CRYBG3: variants seen among roughly 807,000 people sequenced by gnomAD.
The protein encoded by CRYBG3 is very large A-kinase anchor protein.
In CRYBG3, 127 loss-of-function variants were observed where a neutral mutation model predicts 244.2. The ratio of observed to expected loss-of-function variants is 0.52; its 90% CI spans 0.45 to 0.60. CRYBG3 has a LOEUF of 0.60. Ranked by LOEUF, CRYBG3 falls within the 20% of genes least tolerant of loss-of-function variation. The probability of loss-of-function intolerance (pLI) is 0.00; values close to 1 mark genes in which losing one functional copy is unlikely to be tolerated. For synonymous variants in CRYBG3, 1,132 were observed against 1,195.8 expected, an observed-to-expected ratio of 0.95 and a Z score of 1.10; for missense variants, 3,325 against 3,442.5, an observed-to-expected ratio of 0.97 and a Z score of 0.85.
chr3:97,935,773 T>G (rs1465407949), intron 18 of CRYBG3, among the ~76,000 whole-genome samples: 2 of 151,992 alleles, frequency 1.3e-5, no homozygotes, highest in Admixed American at 1.3e-4. Context: ...TGAGCTCTGG[T>G]CCATCTGATA....
intron 7 of CRYBG3, among the ~76,000 whole-genome samples, chr3:97,881,936 C>G (rs532112088): frequency 6.6e-6 from 1 of 150,852 alleles, no homozygotes; most frequent in Admixed American, 6.6e-5. Flanking sequence ...TGGCTGGGCA[C>G]TGTGGCTCAC....
intron 3 of CRYBG3, among the ~76,000 whole-genome samples, chr3:97,865,546 C>G (rs1380584727): frequency 1.3e-5 from 2 of 152,070 alleles, no homozygotes; most frequent in African/African-American, 4.8e-5. Context: ...TAGAGTTTGT[C>G]CATCAAGAAT....
At chr3:97,903,372 G>A (rs957384394) in intron 15 of CRYBG3, among the ~76,000 whole-genome samples, 1 of 152,028 alleles carries the variant, frequency 6.6e-6, no homozygotes, top group African/African-American at 2.4e-5. Flanking sequence ...GAAATACTTA[G>A]GAAGAATTAT....
chr3:97,884,859 T>A (rs1285237542), intron 7 of CRYBG3, among the ~76,000 whole-genome samples: 2 of 152,194 alleles, frequency 1.3e-5, no homozygotes, highest in African/African-American at 2.4e-5. Flanking sequence ...TTTGCTATTA[T>A]ACTGTTTCCA....
At chr3:97,918,363 A>G (rs1053884180) in intron 17 of CRYBG3, among the ~76,000 whole-genome samples, 1 of 152,212 alleles carries the variant, frequency 6.6e-6, no homozygotes, top group African/African-American at 2.4e-5. Context: ...TGTTGCAGTC[A>G]TTTTATAGTG....
intron 2 of CRYBG3, among the ~76,000 whole-genome samples, chr3:97,856,578 T>G (rs2039068054): frequency 6.6e-6 from 1 of 152,210 alleles, no homozygotes; most frequent in Admixed American, 6.5e-5. Flanking sequence ...TAAATGTCCA[T>G]GAAATCTTCA....
rs773668380 is a variant in CRYBG3 at position 97,886,728 on chromosome 3, A to G, written c.7250A>G (p.Asn2417Ser). The change falls in exon 8 of 22, where the codon AAT becomes AGT. Residue 2417 changes from asparagine (N) to serine (S), a missense_variant. Coordinates refer to ENST00000389622, the MANE Select transcript of CRYBG3 (RefSeq NM_153605.4). Reference protein sequence around the residue: ...QRAVPNLEELNISKSVSFTVK... With the variant: ...QRAVPNLEELSISKSVSFTVK... ...GCAGTCCCCAATTTGGAAGAACTGA[A>G]TATCTCCAAATCTGTGTCCTTCACT... The G allele has an allele frequency of 9.3e-6, 15 of 1,612,116 alleles. No homozygotes were observed. The highest frequency in any genetic ancestry group is 1.6e-4 in the Middle Eastern group (1 of 6,064).
intron 15 of CRYBG3, 24 bp from the exon 16 acceptor site, chr3:97,912,143 A>G (rs902981383): frequency 2.3e-6 from 3 of 1,294,944 alleles, no homozygotes; most frequent in South Asian, 1.3e-5. Context: ...TTTCTATTTA[A>G]CTGTTGTGTT....
rs1056907842 is a variant in CRYBG3 at position 97,933,826 on chromosome 3, A to G, written c.8374A>G (p.Ser2792Gly). 3.1e-6 allele frequency: 5 copies of G among 1,612,032 alleles called. No homozygotes were observed. The South Asian group carries it at 5.5e-5, about 18-fold the overall frequency. Residue 2792 changes from serine to glycine, a missense_variant, in exon 18 of 22, where the codon AGT becomes GGT. By Grantham distance (56) the Ser-to-Gly change is moderately conservative. Transcript: ENST00000389622. ...HFYTQSVWVK[S>G]GLWIAYEGSN... is the part of the protein sequence containing the mutation. ...CTACACCCAGTCTGTGTGGGTAAAAAGTGGACTGTAAGTATGGGAAAAAGG... is the reference window on the plus strand; with the variant it reads ...CTACACCCAGTCTGTGTGGGTAAAAGGTGGACTGTAAGTATGGGAAAAAGG...
intron 19 of CRYBG3, among the ~76,000 whole-genome samples, chr3:97,938,132 T>C (rs2040184489): frequency 6.6e-6 from 1 of 151,776 alleles, no homozygotes; most frequent in African/African-American, 2.4e-5. Context: ...TCTTGCTTGA[T>C]TCCAACAACA....
At chr3:97,826,426 G>A (rs1356296676) in intron 1 of CRYBG3, among the ~76,000 whole-genome samples, 2 of 152,064 alleles carry the variant, frequency 1.3e-5, no homozygotes, top group Non-Finnish European at 1.5e-5. Context: ...ACTCATAACA[G>A]CGGAAAATAT....
chr3:97,843,399 T>G (rs925967985), intron 2 of CRYBG3, 138 bp downstream of exon 2: 10 of 597,352 alleles, frequency 1.7e-5, no homozygotes, highest in Non-Finnish European at 2.9e-5. Flanking sequence ...CAGCCCAACT[T>G]TGTCAGACAC....
chr3:97,865,859 C>A (rs2039223204), intron 3 of CRYBG3, among the ~76,000 whole-genome samples: 1 of 151,934 alleles, frequency 6.6e-6, no homozygotes, highest in Admixed American at 6.6e-5. Flanking sequence ...TGGAAGGTAT[C>A]AATAAAGAGA....
At chr3:97,871,786 TAGTATTA>T (rs766284812) in intron 3 of CRYBG3, 49 bp from the exon 4 acceptor site, 52 of 1,219,376 alleles carry the variant, frequency 4.3e-5, no homozygotes, top group Non-Finnish European at 5.5e-5. Flanking sequence ...TTGCTGGGAT[TAGTATTA>T]AGTATTATTA....
At chr3:97,868,113 C>A (rs949103513) in intron 3 of CRYBG3, among the ~76,000 whole-genome samples, 6 of 152,108 alleles carry the variant, frequency 3.9e-5, no homozygotes, top group African/African-American at 1.4e-4. Flanking sequence ...GAAACCCTTT[C>A]TCTACTAAAA....
chr3:97,873,332 G>A lies in CRYBG3; in HGVS notation c.2138G>A (p.Gly713Asp), dbSNP rs1228575873. The change falls in exon 4 of 22, where the codon GGC (glycine) becomes GAC (aspartate). Residue 713 changes from glycine to aspartate, a missense_variant. Physicochemically the swap from Gly to Asp is moderately conservative, Grantham distance 94. Around this residue, in one of 4 missense-constraint regions of CRYBG3, gnomAD observed 1,526 missense variants for 1,443.2 expected, o/e 1.06. Transcript: ENST00000389622. ...GTGAAAAACCATGTTGAGGCTGCAG[G>A]CAGGAAGAGTCCTCCTCCTTCCTTT... The part of the protein sequence containing the change: ...ENVKNHVEAA[G>D]RKSPPPSFCL... The A allele has an allele frequency of 6.5e-7, 1 of 1,535,916 alleles. No homozygotes were observed. The highest frequency in any genetic ancestry group is 8.7e-7 in the Non-Finnish European group (1 of 1,146,804).
At chr3:97,908,140 A>G (rs2039800713) in intron 15 of CRYBG3, among the ~76,000 whole-genome samples, 1 of 152,066 alleles carries the variant, frequency 6.6e-6, no homozygotes, top group South Asian at 2.1e-4. Flanking sequence ...ATTCTTTTAC[A>G]TTTGCTGAGG....
At chr3:97,942,256 C>A in intron 20 of CRYBG3, 28 bp from the exon 21 acceptor site, 2 of 1,569,066 alleles carry the variant, frequency 1.3e-6, no homozygotes, top group Non-Finnish European at 8.7e-7. Flanking sequence ...CATACTACTG[C>A]CAATTAATCA....
intron 2 of CRYBG3, 118 bp downstream of exon 2, chr3:97,843,379 T>G (rs1403022981): frequency 1.5e-6 from 1 of 659,202 alleles, no homozygotes; most frequent in Non-Finnish European, 2.5e-6. Flanking sequence ...AATTACTTTT[T>G]GTGGAAATCC....
Sources: gnomAD v4.1 joint callset for allele counts (sites outside exome capture counted in the v4.1 genomes callset) on GRCh38, gnomAD v4.1.1 for gene constraint, gnomAD v4.1.1 regional missense constraint, MANE v1.5 for transcripts, NCBI Gene and HGNC (gene_info 2026-07-23, HGNC 2026-07-21) for gene names.